KCNN2: variants seen among roughly 807,000 people sequenced by gnomAD.
KCNN2 encodes the protein small conductance calcium-activated potassium channel protein 2.
Under a neutral mutation model 55.5 loss-of-function variants are expected in KCNN2, and 24 were observed. The ratio of observed to expected loss-of-function variants is 0.43; its 90% CI spans 0.31 to 0.61. The LOEUF is 0.61. Ranked by LOEUF, KCNN2 falls within the 20% of genes least tolerant of loss-of-function variation. KCNN2 has a pLI of 0.08. For synonymous variants in KCNN2, 431 were observed against 336.1 expected (o/e 1.28, Z -3.09); for missense variants, 754 against 853.6 (o/e 0.88, Z 1.45).
At chr5:114,265,150 A>G (rs1344463336) in intron 2 of KCNN2, among the ~76,000 whole-genome samples, 2 of 152,138 alleles carry the variant, frequency 1.3e-5, no homozygotes, top group African/African-American at 2.4e-5. Flanking sequence ...GATTCAGGGT[A>G]AGTAACTTTT....
In KCNN2 at chr5:114,126,706, C is replaced by T. The variant is rs114739195; in HGVS notation, c.-271+70206C>T. 2.6e-3 allele frequency among the ~76,000 whole-genome samples: 397 copies of T among 152,224 alleles called. 1 individual carries two copies. The highest frequency in any genetic ancestry group is 4.7e-3 in the Non-Finnish European group (323 of 68,000). Reference sequence around the variant, plus strand: ...TTTCCAACAAAGCCTTAACTCATTCCCCCAAAGCCTTAACTCATTAAGGAA... The same window carrying T: ...TTTCCAACAAAGCCTTAACTCATTCTCCCAAAGCCTTAACTCATTAAGGAA... On this transcript the variant is annotated intron_variant, in intron 1 of 10. Coordinates refer to the KCNN2 transcript ENST00000512097.
intron 2 of KCNN2, among the ~76,000 whole-genome samples, chr5:114,279,481 T>C (rs1031395053): frequency 6.6e-6 from 1 of 152,094 alleles, no homozygotes; most frequent in Non-Finnish European, 1.5e-5. Flanking sequence ...CCCCAGTGTG[T>C]GGTGTTCCCC....
chr5:114,462,309 G>A (rs969858442), intron 3 of KCNN2, among the ~76,000 whole-genome samples: 14 of 152,174 alleles, frequency 9.2e-5, no homozygotes, highest in African/African-American at 2.9e-4. Flanking sequence ...ACACCTCAAA[G>A]AATGATTAGG....
chr5:114,488,961 G>A (rs1017881090), intron 6 of KCNN2: 17 of 152,110 alleles, frequency 1.1e-4, no homozygotes, highest in African/African-American at 2.7e-4. Context: ...AAGTGTGGTC[G>A]GTCTGTGTTG....
chr5:114,330,683 A>G (rs1432036171), intron 2 of KCNN2, among the ~76,000 whole-genome samples: 1 of 152,106 alleles, frequency 6.6e-6, no homozygotes, highest in Non-Finnish European at 1.5e-5. Context: ...ATTCCCACTC[A>G]ACCTTTGGAG....
intron 2 of KCNN2, among the ~76,000 whole-genome samples, chr5:114,330,982 G>T (rs1288986799): frequency 6.6e-6 from 1 of 152,154 alleles, no homozygotes; most frequent in Non-Finnish European, 1.5e-5. Context: ...TATTTACAAA[G>T]CAGATCCACC....
chr5:114,405,042 C>A (rs1418913747), intron 3 of KCNN2, among the ~76,000 whole-genome samples, 186 bp downstream of exon 3: 1 of 152,148 alleles, frequency 6.6e-6, no homozygotes, highest in African/African-American at 2.4e-5. Flanking sequence ...CAAATGCCTT[C>A]ATGCTTGTGT....
intron 1 of KCNN2, among the ~76,000 whole-genome samples, chr5:114,193,384 T>C (rs1447843521): frequency 6.6e-6 from 1 of 152,156 alleles, no homozygotes; most frequent in East Asian, 1.9e-4. Context: ...AAACACTCAG[T>C]GCCTGTGCTC....
intron 2 of KCNN2, among the ~76,000 whole-genome samples, chr5:114,395,233 C>A (rs1331492123): frequency 6.6e-6 from 1 of 152,200 alleles, no homozygotes; most frequent in African/African-American, 2.4e-5. Flanking sequence ...CCCCTCTTCA[C>A]TGATGGCTGG....
intron 2 of KCNN2, among the ~76,000 whole-genome samples, chr5:114,398,414 A>G (rs1230713687): frequency 6.7e-6 from 1 of 150,072 alleles, no homozygotes; most frequent in African/African-American, 2.4e-5. Flanking sequence ...TACCAGTGCC[A>G]TGCTGTTTGG....
chr5:114,198,461 T>TAC (rs1408821127), intron 1 of KCNN2, among the ~76,000 whole-genome samples: 1,078 of 89,072 alleles, frequency 0.012, 10 homozygotes, highest in African/African-American at 0.034. Context: ...TATATATACA[T>TAC]ATACACACAC....
intron 2 of KCNN2, among the ~76,000 whole-genome samples, chr5:114,350,395 C>T (rs1757186473): frequency 6.6e-6 from 1 of 151,782 alleles, no homozygotes; most frequent in African/African-American, 2.4e-5. Context: ...TAAATATTTT[C>T]TCCCATTCTG....
chr5:114,136,835 C>T (rs536715030), intron 1 of KCNN2, among the ~76,000 whole-genome samples: 24 of 152,272 alleles, frequency 1.6e-4, no homozygotes, highest in African/African-American at 5.3e-4. Context: ...CTTAAATAAG[C>T]TCTAGCAAGT....
At chr5:114,357,405 C>T (rs1757315311), upstream of KCNN2, among the ~76,000 whole-genome samples, 1 of 135,630 alleles carries the variant, frequency 7.4e-6, no homozygotes, top group Admixed American at 7.4e-5. Flanking sequence ...CCCACTAACT[C>T]GTCATCTAGC....
intron 1 of KCNN2, among the ~76,000 whole-genome samples, chr5:114,123,909 A>C (rs1373522197): frequency 6.6e-6 from 1 of 152,184 alleles, no homozygotes; most frequent in East Asian, 1.9e-4. Context: ...TGTGGGCTAC[A>C]CCAGGTCTTG....
intron 1 of KCNN2, among the ~76,000 whole-genome samples, chr5:114,168,114 T>C (rs1307815553): frequency 6.6e-6 from 1 of 151,898 alleles, no homozygotes; most frequent in Non-Finnish European, 1.5e-5. Flanking sequence ...AAGTTTTAAA[T>C]ATATGTAGCA....
chr5:114,209,062 C>CTT (rs34525244), intron 1 of KCNN2, among the ~76,000 whole-genome samples: 4,278 of 146,842 alleles, frequency 0.029, 92 homozygotes, highest in Admixed American at 0.071. Flanking sequence ...TGACTTCTGC[C>CTT]TTTTTTTTTT....
chr5:114,427,023 T>C (rs907925615), intron 3 of KCNN2, among the ~76,000 whole-genome samples: 3 of 152,222 alleles, frequency 2.0e-5, no homozygotes, highest in Admixed American at 6.5e-5. Context: ...AACTTTTTAA[T>C]GATGCCATCT....
At chr5:114,145,722 G>T (rs1405317906) in intron 1 of KCNN2, among the ~76,000 whole-genome samples, 1 of 152,108 alleles carries the variant, frequency 6.6e-6, no homozygotes, top group Admixed American at 6.6e-5. Flanking sequence ...CCATATCATG[G>T]CTCAAATAAG....
Sources: allele counts gnomAD v4.1 joint callset (sites outside exome capture counted in the v4.1 genomes callset), GRCh38; gene constraint gnomAD v4.1.1; transcripts MANE v1.5; gene names NCBI Gene and HGNC (gene_info 2026-07-23, HGNC 2026-07-21).